The following RBFOX1 variants were observed in gnomAD, a reference collection of about 807,000 sequenced individuals.
RBFOX1 encodes RNA binding fox-1 homolog 1, also known as RNA binding protein fox-1 homolog 1.
A neutral mutation model predicts 57.7 loss-of-function variants in RBFOX1; 8 were observed. That is an observed-to-expected ratio of 0.14 (90% CI 0.08 to 0.25). The LOEUF is 0.25. Ranked by LOEUF, RBFOX1 falls within the 10% of genes least tolerant of loss-of-function variation. The probability of loss-of-function intolerance (pLI) is 1.00; values close to 1 mark genes in which losing one functional copy is unlikely to be tolerated. For missense variants in RBFOX1, 611 were observed against 548.5 expected, an observed-to-expected ratio of 1.11 and a Z score of -1.14; for synonymous variants, 326 against 222.4, an observed-to-expected ratio of 1.47 and a Z score of -4.15.
chr16:5,971,605 T>C (rs1312806451), intron 4 of RBFOX1, among the ~76,000 whole-genome samples: 1 of 152,218 alleles, frequency 6.6e-6, no homozygotes, highest in Non-Finnish European at 1.5e-5. Flanking sequence ...GGATAACTAA[T>C]TTAATCAACG....
intron 4 of RBFOX1, among the ~76,000 whole-genome samples, chr16:7,130,905 A>ATGAC (rs2070155164): frequency 6.6e-6 from 1 of 152,196 alleles, no homozygotes; most frequent in African/African-American, 2.4e-5. Flanking sequence ...TGACACAGCA[A>ATGAC]TGACTGCCTT....
chr16:7,172,512 C>CTT (rs1301740085), intron 4 of RBFOX1, among the ~76,000 whole-genome samples: 10 of 152,284 alleles, frequency 6.6e-5, no homozygotes, highest in African/African-American at 1.9e-4. Flanking sequence ...AAAGTGCTAC[C>CTT]TTCTGCAAAT....
chr16:5,277,449 T>TA (rs890511616), intron 1 of RBFOX1, among the ~76,000 whole-genome samples: 2 of 128,888 alleles, frequency 1.6e-5, no homozygotes, highest in African/African-American at 3.1e-5. Context: ...ACTATTGAAA[T>TA]AAAAAAAAGA....
chr16:6,799,491 A>G (rs768324523), intron 3 of RBFOX1, among the ~76,000 whole-genome samples: 14 of 152,062 alleles, frequency 9.2e-5, no homozygotes, highest in Non-Finnish European at 1.3e-4. Context: ...TGTTAACTTG[A>G]TTGGATTGAA....
intron 3 of RBFOX1, among the ~76,000 whole-genome samples, chr16:6,721,176 C>T (rs1282026982): frequency 1.3e-5 from 2 of 152,172 alleles, no homozygotes; most frequent in African/African-American, 2.4e-5. Flanking sequence ...GGCACGGTGG[C>T]TCACTCCTAT....
intron 4 of RBFOX1, among the ~76,000 whole-genome samples, chr16:7,387,275 A>G (rs1346387158): frequency 6.6e-6 from 1 of 152,188 alleles, no homozygotes; most frequent in East Asian, 1.9e-4. Flanking sequence ...TTAGTAATAA[A>G]TTCTATGAGC....
chr16:6,557,440 C>G lies in RBFOX1; in HGVS notation c.-63-97163C>G, dbSNP rs2097121387. 2.0e-5 allele frequency among the ~76,000 whole-genome samples: 3 copies of G among 152,194 alleles called. No individual in the cohort carries two copies. The South Asian group carries it at 6.2e-4, about 32-fold the overall frequency. On this transcript the variant is annotated intron_variant, in intron 2 of 15. Coordinates refer to ENST00000550418, the MANE Select transcript of RBFOX1 (RefSeq NM_018723.4). The stretch of plus-strand genomic sequence containing the variant: ...GACAGTACGATTTCACAATAACAGC[C>G]ACAATTTCTCTAATTTATTACATTG...
At chr16:7,605,842 T>A (rs931752905) in intron 9 of RBFOX1, among the ~76,000 whole-genome samples, 1 of 151,784 alleles carries the variant, frequency 6.6e-6, no homozygotes, top group Non-Finnish European at 1.5e-5. Flanking sequence ...TCTTTCAAGG[T>A]TTTTTTTACT....
intron 4 of RBFOX1, among the ~76,000 whole-genome samples, chr16:7,249,474 C>T (rs1290487337): frequency 6.6e-6 from 1 of 152,076 alleles, no homozygotes; most frequent in African/African-American, 2.4e-5. Context: ...AAGCATTTTT[C>T]CAGCTATCTG....
intron 7 of RBFOX1, among the ~76,000 whole-genome samples, chr16:7,592,254 G>C (rs1401009324): frequency 6.6e-6 from 1 of 152,166 alleles, no homozygotes; most frequent in Non-Finnish European, 1.5e-5. Flanking sequence ...TATTCTCTTT[G>C]CTTAAAAAGT....
intron 1 of RBFOX1, among the ~76,000 whole-genome samples, chr16:6,212,222 A>T (rs764084962): frequency 1.8e-4 from 27 of 152,078 alleles, no homozygotes; most frequent in Non-Finnish European, 3.7e-4. Context: ...TACCTAATAT[A>T]CATTGTTAAT....
rs148380455 is a variant in RBFOX1, at chr16:6,847,414, C to T, written c.-16+192764C>T. Among the ~76,000 whole-genome samples, 53 of 152,020 alleles carry T rather than the reference C, an allele frequency of 3.5e-4. 1 individual carries two copies. The East Asian group carries it at 8.6e-3, about 25-fold the overall frequency. On this transcript the variant is annotated intron_variant, in intron 3 of 15. Coordinates refer to ENST00000550418, the MANE Select transcript of RBFOX1 (RefSeq NM_018723.4). ...TGGGGCCGGGTCTAGGGGAAGCAGC[C>T]GTCTAGACTGCTTGGTGCTCTGTCA...
chr16:5,275,942 C>A (rs1271601747), intron 1 of RBFOX1, among the ~76,000 whole-genome samples: 1 of 152,160 alleles, frequency 6.6e-6, no homozygotes, highest in Non-Finnish European at 1.5e-5. Context: ...GGAAAGTACA[C>A]CCTATTCAAC....
At chr16:7,549,416 C>G (rs191183083) in intron 5 of RBFOX1, among the ~76,000 whole-genome samples, 1 of 152,236 alleles carries the variant, frequency 6.6e-6, no homozygotes, top group Admixed American at 6.5e-5. Flanking sequence ...TGAAGAGTAC[C>G]TGTATTACGG....
chr16:7,637,524 G>T (rs2061972311), intron 11 of RBFOX1, among the ~76,000 whole-genome samples: 1 of 152,180 alleles, frequency 6.6e-6, no homozygotes. Flanking sequence ...TTAGGTAATT[G>T]ATAGAACTTC....
intron 4 of RBFOX1, among the ~76,000 whole-genome samples, chr16:7,148,288 C>T (rs971507426): frequency 6.6e-6 from 1 of 152,288 alleles, no homozygotes; most frequent in South Asian, 2.1e-4. Flanking sequence ...GTATTATTTA[C>T]AAAGGAGTTT....
At chr16:6,765,643 C>T (rs1056438964) in intron 3 of RBFOX1, among the ~76,000 whole-genome samples, 1 of 152,144 alleles carries the variant, frequency 6.6e-6, no homozygotes, top group African/African-American at 2.4e-5. Flanking sequence ...AATCACTCTA[C>T]CCAATACTGG....
intron 3 of RBFOX1, among the ~76,000 whole-genome samples, chr16:6,845,249 C>T (rs912693615): frequency 6.6e-6 from 1 of 151,854 alleles, no homozygotes; most frequent in Non-Finnish European, 1.5e-5. Flanking sequence ...TGAATCCTTG[C>T]CCGTACCTGT....
intron 3 of RBFOX1, among the ~76,000 whole-genome samples, chr16:6,904,446 C>G (rs187496861): frequency 6.6e-5 from 10 of 151,562 alleles, no homozygotes; most frequent in Admixed American, 4.6e-4. Flanking sequence ...ACTGAAAGTA[C>G]AAAAATGAGC....
Sources: allele counts gnomAD v4.1 joint callset (sites outside exome capture counted in the v4.1 genomes callset), GRCh38; gene constraint gnomAD v4.1.1; transcripts MANE v1.5; gene names NCBI Gene and HGNC (gene_info 2026-07-23, HGNC 2026-07-21).